The following B3GALT1 variants were observed in gnomAD, a reference collection of about 807,000 sequenced individuals.
B3GALT1 encodes UDP-Gal:betaGlcNAc beta 1,3-galactosyltransferase, polypeptide 1.
Under a neutral mutation model 23.2 loss-of-function variants are expected in B3GALT1, and 10 were observed. The observed-to-expected ratio is 0.43, with a 90% CI of 0.27 to 0.73. The LOEUF (loss-of-function observed/expected upper bound fraction) is 0.73. B3GALT1 is among the 30% of genes least tolerant of loss of function. B3GALT1 has a pLI of 0.21. For missense variants in B3GALT1, 299 were observed against 405.4 expected (o/e 0.74, Z 2.25); for synonymous variants, 156 against 141.5 (o/e 1.10, Z -0.73).
chr2:167,620,053 A>G (rs1445038589), intron 2 of B3GALT1, among the ~76,000 whole-genome samples: 1 of 152,146 alleles, frequency 6.6e-6, no homozygotes, highest in African/African-American at 2.4e-5. Context: ...CGTTAGGAAA[A>G]TCATGTCTGC....
chr2:167,840,888 A>G (rs1426032437), intron 4 of B3GALT1, among the ~76,000 whole-genome samples: 1 of 147,532 alleles, frequency 6.8e-6, no homozygotes, highest in African/African-American at 2.6e-5. Flanking sequence ...GACATGGATG[A>G]AATTGGAAAT....
At chr2:167,705,786 A>G (rs1433659225) in intron 3 of B3GALT1, among the ~76,000 whole-genome samples, 1 of 152,234 alleles carries the variant, frequency 6.6e-6, no homozygotes, top group Non-Finnish European at 1.5e-5. Context: ...CCAGAGTCAC[A>G]TTCTGCAATA....
chr2:167,502,975 G>T (rs1188870193), intron 2 of B3GALT1, among the ~76,000 whole-genome samples: 1 of 152,092 alleles, frequency 6.6e-6, no homozygotes, highest in Non-Finnish European at 1.5e-5. Flanking sequence ...GGAGGCAGAG[G>T]TTGCAGTGAG....
chr2:167,594,571 A>G (rs1684744234), intron 2 of B3GALT1, among the ~76,000 whole-genome samples: 1 of 152,118 alleles, frequency 6.6e-6, no homozygotes. Flanking sequence ...TCAAGTGGCC[A>G]CTTAATCACT....
chr2:167,762,830 A>G (rs1482948588), intron 3 of B3GALT1, among the ~76,000 whole-genome samples: 2 of 152,178 alleles, frequency 1.3e-5, no homozygotes, highest in Non-Finnish European at 2.9e-5. Context: ...TAAGGTTGAA[A>G]TAGTGAGAAA....
intron 1 of B3GALT1, among the ~76,000 whole-genome samples, chr2:167,425,313 TG>T (rs1489431730): frequency 6.6e-6 from 1 of 152,210 alleles, no homozygotes; most frequent in Non-Finnish European, 1.5e-5. Context: ...TTATTTTGTG[TG>T]TGACTCATAC....
chr2:167,376,763 C>T (rs1268901563), intron 1 of B3GALT1, among the ~76,000 whole-genome samples: 1 of 151,946 alleles, frequency 6.6e-6, no homozygotes, highest in Non-Finnish European at 1.5e-5. Context: ...AGTGGTCTAT[C>T]AATCTTGTTT....
At chr2:167,727,114 T>A (rs1205230943) in intron 3 of B3GALT1, among the ~76,000 whole-genome samples, 1 of 152,068 alleles carries the variant, frequency 6.6e-6, no homozygotes, top group African/African-American at 2.4e-5. Flanking sequence ...CTTTTTTTTT[T>A]AGCTTAGAGA....
In B3GALT1 at chr2:167,670,136, A is replaced by G. The variant is rs569055663; in HGVS notation, c.-352+23170A>G. ...GTGTGTACACTAACTGATGGTGCCTATGAGCCTCTGAAGATTGTGCATGAG... is the reference window on the plus strand; with the variant it reads ...GTGTGTACACTAACTGATGGTGCCTGTGAGCCTCTGAAGATTGTGCATGAG... On this transcript the variant is annotated intron_variant, in intron 3 of 4. Transcript: ENST00000392690. Among the ~76,000 whole-genome samples the G allele has an allele frequency of 2.6e-5, 4 of 152,318 alleles. No homozygotes were observed. The South Asian group carries it at 6.2e-4, about 24-fold the overall frequency.
At chr2:167,653,887 A>G (rs959954427) in intron 3 of B3GALT1, among the ~76,000 whole-genome samples, 14 of 152,142 alleles carry the variant, frequency 9.2e-5, no homozygotes, top group African/African-American at 3.4e-4. Context: ...AGGTCCCACC[A>G]TGCATTCTTC....
At chr2:167,543,717 G>A (rs1683575215) in intron 2 of B3GALT1, among the ~76,000 whole-genome samples, 1 of 152,262 alleles carries the variant, frequency 6.6e-6, no homozygotes, top group Admixed American at 6.5e-5. Context: ...GTGTTTAGTA[G>A]GAGTCAGGAA....
intron 3 of B3GALT1, among the ~76,000 whole-genome samples, chr2:167,652,548 T>TAA (rs1685886410): frequency 1.3e-5 from 2 of 152,232 alleles, no homozygotes; most frequent in African/African-American, 4.8e-5. Flanking sequence ...GTAGTCTTCT[T>TAA]AAAGTTCCAA....
chr2:167,731,078 C>G (rs369761997), intron 3 of B3GALT1, among the ~76,000 whole-genome samples: 4 of 152,184 alleles, frequency 2.6e-5, no homozygotes, highest in East Asian at 3.9e-4. Flanking sequence ...ATGGCTCCAG[C>G]GAGCATACTC....
chr2:167,304,751 A>T (rs1696524158), intron 1 of B3GALT1, among the ~76,000 whole-genome samples: 1 of 152,122 alleles, frequency 6.6e-6, no homozygotes. Flanking sequence ...GAATTGGCTT[A>T]TGTGGTTAGG....
intron 1 of B3GALT1, among the ~76,000 whole-genome samples, chr2:167,478,055 T>C (rs1699510661): frequency 6.6e-6 from 1 of 152,252 alleles, no homozygotes; most frequent in South Asian, 2.1e-4. Context: ...TATGAAAATC[T>C]GCTTTGCAAT....
chr2:167,346,345 T>A (rs1697221144), intron 1 of B3GALT1, among the ~76,000 whole-genome samples: 1 of 152,168 alleles, frequency 6.6e-6, no homozygotes, highest in African/African-American at 2.4e-5. Flanking sequence ...TGCATTTGCC[T>A]ATTGTATATC....
chr2:167,389,758 A>G (rs1697987642), intron 1 of B3GALT1, among the ~76,000 whole-genome samples: 1 of 151,968 alleles, frequency 6.6e-6, no homozygotes, highest in Admixed American at 6.6e-5. Flanking sequence ...TATCAAGAGA[A>G]CATACTGGCC....
At chr2:167,688,791 C>G (rs1686659303) in intron 3 of B3GALT1, among the ~76,000 whole-genome samples, 2 of 151,996 alleles carry the variant, frequency 1.3e-5, no homozygotes, top group African/African-American at 4.8e-5. Context: ...CCCCACAAAC[C>G]TATAGATTTA....
chr2:167,830,238 C>T (rs1411060923), intron 4 of B3GALT1, among the ~76,000 whole-genome samples: 1 of 152,148 alleles, frequency 6.6e-6, no homozygotes, highest in African/African-American at 2.4e-5. Context: ...TGACAAACCT[C>T]ACTAAGGCCG....
Sources: gnomAD v4.1 joint callset for allele counts (sites outside exome capture counted in the v4.1 genomes callset) on GRCh38, gnomAD v4.1.1 for gene constraint, MANE v1.5 for transcripts, NCBI Gene and HGNC (gene_info 2026-07-23, HGNC 2026-07-21) for gene names.